The following SOX5 variants were observed in gnomAD, a reference collection of about 807,000 sequenced individuals.
The protein encoded by SOX5 is SRY-box transcription factor 5.
A neutral mutation model predicts 92.0 loss-of-function variants in SOX5; 9 were observed. That is an observed-to-expected ratio of 0.10 (90% CI 0.06 to 0.17). SOX5 has a LOEUF of 0.17. Among genes scored for constraint, SOX5 ranks in the 10% least tolerant of loss-of-function variants. The probability of loss-of-function intolerance (pLI) is 1.00; values close to 1 mark genes in which losing one functional copy is unlikely to be tolerated. For missense variants in SOX5, 642 were observed against 944.5 expected, an observed-to-expected ratio of 0.68 and a Z score of 4.20; for synonymous variants, 344 against 336.3, an observed-to-expected ratio of 1.02 and a Z score of -0.25.
At chr12:23,630,002 T>C (rs2078326664) in intron 8 of SOX5, among the ~76,000 whole-genome samples, 2 of 151,988 alleles carry the variant, frequency 1.3e-5, no homozygotes, top group East Asian at 1.9e-4. Flanking sequence ...AACATGTAGG[T>C]GGAATAAGGG....
chr12:23,559,264 C>T (rs1945781820), intron 11 of SOX5, among the ~76,000 whole-genome samples: 1 of 152,170 alleles, frequency 6.6e-6, no homozygotes, highest in South Asian at 2.1e-4. Flanking sequence ...TGAGAGGCTT[C>T]TTTCTGTTCC....
chr12:24,525,583 G>A (rs1950628566), intron 1 of SOX5, among the ~76,000 whole-genome samples: 1 of 152,190 alleles, frequency 6.6e-6, no homozygotes, highest in Non-Finnish European at 1.5e-5. Context: ...TAGAGAAGCA[G>A]TAGCCAGGCC....
At chr12:23,665,082 G>A (rs1399949978) in intron 7 of SOX5, among the ~76,000 whole-genome samples, 1 of 152,090 alleles carries the variant, frequency 6.6e-6, no homozygotes, top group Non-Finnish European at 1.5e-5. Context: ...ATAACAGAAG[G>A]CCAACTCATT....
intron 1 of SOX5, among the ~76,000 whole-genome samples, chr12:24,496,465 T>TC (rs1160499331): frequency 6.6e-6 from 1 of 152,172 alleles, no homozygotes; most frequent in Non-Finnish European, 1.5e-5. Flanking sequence ...CACTCTTAGG[T>TC]CTAAGGAAGT....
At chr12:24,386,378 T>G (rs1024495188) in intron 1 of SOX5, among the ~76,000 whole-genome samples, 2 of 152,170 alleles carry the variant, frequency 1.3e-5, no homozygotes, top group Non-Finnish European at 2.9e-5. Flanking sequence ...ACTTTTATAG[T>G]ACCTCAAACC....
chr12:24,429,077 G>A (rs2137029690), intron 1 of SOX5, among the ~76,000 whole-genome samples: 1 of 152,168 alleles, frequency 6.6e-6, no homozygotes, highest in East Asian at 1.9e-4. Flanking sequence ...CAGCACTTTG[G>A]GAGGCCAAGA....
intron 1 of SOX5, among the ~76,000 whole-genome samples, chr12:24,554,721 A>G (rs1953591140): frequency 6.6e-6 from 1 of 152,214 alleles, no homozygotes; most frequent in Admixed American, 6.5e-5. Context: ...GCTTCCTTGC[A>G]TACACAAAAG....
At chr12:23,780,565 C>T (rs2095256513) in intron 3 of SOX5, among the ~76,000 whole-genome samples, 3 of 151,684 alleles carry the variant, frequency 2.0e-5, no homozygotes, top group Non-Finnish European at 4.4e-5. Flanking sequence ...TAGTCAAAAT[C>T]TCTTGAATGA....
At chr12:23,937,776 A>T (rs986891911) in intron 1 of SOX5, among the ~76,000 whole-genome samples, 1 of 150,932 alleles carries the variant, frequency 6.6e-6, no homozygotes, top group Admixed American at 6.6e-5. Flanking sequence ...ATTTTGGCTG[A>T]GGCCCTTGTT....
intron 4 of SOX5, among the ~76,000 whole-genome samples, chr12:23,957,510 G>A (rs965078666): frequency 2.0e-5 from 3 of 152,188 alleles, no homozygotes; most frequent in Non-Finnish European, 4.4e-5. Flanking sequence ...TACAAGGGTT[G>A]TTGTCTCTAT....
At chr12:24,298,681 A>G (rs75549801) in intron 2 of SOX5, among the ~76,000 whole-genome samples, 1,826 of 151,860 alleles carry the variant, frequency 0.012, 32 homozygotes, top group African/African-American at 0.041. Flanking sequence ...TTTAAATCTC[A>G]GAAAAATACT....
intron 2 of SOX5, among the ~76,000 whole-genome samples, chr12:23,865,214 A>T (rs772616437): frequency 6.6e-6 from 1 of 152,180 alleles, no homozygotes; most frequent in Non-Finnish European, 1.5e-5. Context: ...AAAAAGAGAG[A>T]TTCATTTAAA....
chr12:24,197,582 C>G (rs1031687032), intron 4 of SOX5, among the ~76,000 whole-genome samples: 3 of 152,058 alleles, frequency 2.0e-5, no homozygotes, highest in Non-Finnish European at 4.4e-5. Flanking sequence ...GGGCGGGATA[C>G]AGTGAAAACC....
intron 4 of SOX5, among the ~76,000 whole-genome samples, chr12:24,204,445 C>T (rs567875963): frequency 4.6e-5 from 7 of 152,046 alleles, no homozygotes; most frequent in East Asian, 3.9e-4. Context: ...TTTCATGCCT[C>T]GGCTTCCTGA....
intron 4 of SOX5, among the ~76,000 whole-genome samples, chr12:24,098,689 C>T (rs933674384): frequency 7.2e-5 from 11 of 152,134 alleles, no homozygotes; most frequent in African/African-American, 2.7e-4. Context: ...TGTATAGTTT[C>T]TTTGCCTTGA....
At chr12:24,137,078 A>G (rs1383656702) in intron 4 of SOX5, among the ~76,000 whole-genome samples, 3 of 152,222 alleles carry the variant, frequency 2.0e-5, no homozygotes, top group Non-Finnish European at 4.4e-5. Flanking sequence ...TACTATTTAT[A>G]TTTCACATGT....
At chr12:23,842,243 AC>A (rs2096527493) in intron 3 of SOX5, among the ~76,000 whole-genome samples, 1 of 152,170 alleles carries the variant, frequency 6.6e-6, no homozygotes, top group Admixed American at 6.6e-5. Context: ...CTAGAACTGA[AC>A]AATTATATAA....
intron 1 of SOX5, among the ~76,000 whole-genome samples, chr12:24,539,180 C>A (rs1951900799): frequency 6.6e-6 from 1 of 151,460 alleles, no homozygotes; most frequent in Non-Finnish European, 1.5e-5. Context: ...AACAAAGTAC[C>A]TATTAGTTTG....
chr12:23,543,408 G>T (rs748318129), intron 12 of SOX5, 24 bp from the exon 13 acceptor site: 1 of 1,593,240 alleles, frequency 6.3e-7, no homozygotes, highest in Non-Finnish European at 8.6e-7. Context: ...ACATCACTTC[G>T]TGTTAGCGTT....
Sources: allele counts gnomAD v4.1 joint callset (sites outside exome capture counted in the v4.1 genomes callset), GRCh38; gene constraint gnomAD v4.1.1; transcripts MANE v1.5; gene names NCBI Gene and HGNC (gene_info 2026-07-23, HGNC 2026-07-21).